ARMC5: variants seen among roughly 807,000 people sequenced by gnomAD.
ARMC5 encodes the protein armadillo repeat containing 5.
A neutral mutation model predicts 60.5 loss-of-function variants in ARMC5; 28 were observed. The ratio of observed to expected loss-of-function variants is 0.46; its 90% CI spans 0.34 to 0.63. ARMC5 has a LOEUF of 0.63. ARMC5 is among the 30% of genes least tolerant of loss of function. ARMC5 has a pLI of 0.01. For missense variants in ARMC5, 1,189 were observed against 1,304.9 expected, an observed-to-expected ratio of 0.91 and a Z score of 1.37; for synonymous variants, 680 against 607.3, an observed-to-expected ratio of 1.12 and a Z score of -1.76.
upstream of ARMC5, chr16:31,459,035 C>A: frequency 1.3e-6 from 2 of 1,523,082 alleles, no homozygotes; most frequent in Admixed American, 2.0e-5. Flanking sequence ...GCGGCGCGGT[C>A]AGGACCCCGC....
Position 31,464,883 on chromosome 16 carries a change from G to A in ARMC5, c.1860G>A (p.Glu620=). 6.2e-7 allele frequency: 1 copy of A among 1,604,222 alleles called. No individual in the cohort carries two copies. The highest frequency in any genetic ancestry group is 1.7e-5 in the Admixed American group (1 of 59,962). Residue 620 remains glutamate (E), a synonymous_variant, in exon 4 of 6, where the codon GAG becomes GAA. Transcript: ENST00000268314. The surrounding 1 kb of genome is among the most constrained non-coding windows in gnomAD (Gnocchi z 7.6). The part of the protein sequence containing the change: ...ARPTLHSRHR[E]LGERLLQNLT... ...CCACTCTCCACAGCCGGCACCGAGA[G>A]CTGGGTGAGTTCCCATACCCACCCG...
intron 4 of ARMC5, chr16:31,465,114 C>T: frequency 6.2e-7 from 1 of 1,614,034 alleles, no homozygotes; most frequent in Non-Finnish European, 8.5e-7. Context: ...GACCCAGATA[C>T]CCTAACTCTA....
At position 31,466,442 on chromosome 16, in the gene ARMC5, G is replaced by T; in HGVS notation, c.2361G>T (p.Met787Ile). 1 of 1,611,954 alleles carries T rather than the reference G, an allele frequency of 6.2e-7. No homozygotes were observed. The change falls in exon 6 of 6, where the codon ATG becomes ATT. Residue 787 changes from methionine (M) to isoleucine (I), a missense_variant. Around this residue, in one of 2 missense-constraint regions of ARMC5, gnomAD observed 862 missense variants for 1,071.2 expected, o/e 0.80. Transcript: ENST00000268314. This position sits in a 1 kb window ranked among gnomAD's most constrained non-coding sequence, Gnocchi z 8.0. The part of the protein sequence containing the change: ...LLSGSFAEAQ[M>I]DLVPLRGLSP... ...CAGGCAGCTTTGCAGAAGCCCAGAT[G>T]GACCTGGTGCCCCTGCGAGGTCTGT...
chr16:31,461,721 T>G, intron 1 of ARMC5, among the ~76,000 whole-genome samples: 1 of 152,202 alleles, frequency 6.6e-6, no homozygotes, highest in East Asian at 1.9e-4. Context: ...TTGGCCAGGC[T>G]GGTCTTGAAC....
In ARMC5 at chr16:31,459,810, G is replaced by GCCGCGTCGGGAGCTTCTAGCCCCGCCC. The variant is rs745352803; in HGVS notation, c.297_323dup (p.Ala100_Gly108dup). The GCCGCGTCGGGAGCTTCTAGCCCCGCCC allele has an allele frequency of 6.5e-7, 1 of 1,542,128 alleles. No homozygotes were observed. The highest frequency in any genetic ancestry group is 1.4e-5 in the African/African-American group (1 of 72,818). ...AGGCCCCGGCTCCGCCCCCTCGTCGGCCGCGTCGGGAGCTTCTAGCCCCGC... is the reference window on the plus strand; with the variant it reads ...AGGCCCCGGCTCCGCCCCCTCGTCGGCCGCGTCGGGAGCTTCTAGCCCCGCCCCCGCGTCGGGAGCTTCTAGCCCCGC... On this transcript the variant is annotated inframe_insertion, in exon 1 of 6. Coordinates refer to ENST00000268314, the MANE Select transcript of ARMC5 (RefSeq NM_001105247.2).
rs1443893232 is a variant in ARMC5 at position 31,467,142 on chromosome 16, G to A, written c.*253G>A. The A allele has an allele frequency of 9.6e-6, 4 of 416,870 alleles. No homozygotes were observed. Among genetic ancestry groups the A allele is most frequent in the Middle Eastern group, 6.1e-4 (1 of 1,650 alleles). The allele number at this position is 416,870 out of a possible 1,614,324, so 25.8% of individuals were successfully genotyped here. ...TGGCCTGGCCTAGACCTCTGGAATT[G>A]AGATTAAACAATTTGGAGTTGGATA... On this transcript the variant is annotated 3_prime_UTR_variant, in exon 6 of 6. Coordinates refer to ENST00000268314, the MANE Select transcript of ARMC5 (RefSeq NM_001105247.2).
At chr16:31,465,157 C>G (rs377587666) in intron 4 of ARMC5, 2 of 1,611,238 alleles carry the variant, frequency 1.2e-6, no homozygotes, top group Admixed American at 3.3e-5. Context: ...CTGGGCTGGT[C>G]TGTGCTTCTT....
At position 31,466,771 on chromosome 16, in the gene ARMC5, A is replaced by G; in HGVS notation, c.2690A>G (p.Lys897Arg). ...CTGGGGTCAGAGCAGTGCCCGAGGA[A>G]GCGGGGTCTGGCCCTGGTGGGGCTT... ...WTLGSEQCPR[K>R]RGLALVGLVE... is the part of the protein sequence containing the mutation. Residue 897 changes from lysine to arginine, a missense_variant, in exon 6 of 6, where the codon AAG becomes AGG. By Grantham distance (26) the Lys-to-Arg change is conservative. This residue lies in a region of ARMC5 where 862 missense variants were observed against 1,071.2 expected (regional missense o/e 0.80). Coordinates refer to ENST00000268314, the MANE Select transcript of ARMC5 (RefSeq NM_001105247.2). The surrounding 1 kb of genome is among the most constrained non-coding windows in gnomAD (Gnocchi z 8.0). 2 of 1,577,910 alleles carry G rather than the reference A, an allele frequency of 1.3e-6. No homozygotes were observed. The highest frequency in any genetic ancestry group is 8.6e-7 in the Non-Finnish European group (1 of 1,163,542).
In ARMC5 at chr16:31,459,883, C is replaced by A. The variant is rs759972257; in HGVS notation, c.359C>A (p.Thr120Lys). The change falls in exon 1 of 6, where the codon ACG becomes AAG. Residue 120 changes from threonine (T) to lysine (K), a missense_variant. Thr to Lys is a moderately conservative substitution (Grantham distance 78). Around this residue, in one of 2 missense-constraint regions of ARMC5, gnomAD observed 327 missense variants for 233.7 expected, o/e 1.40. Transcript: ENST00000268314. ...APSAVSSSSPTPPVRLRKTLD... is the reference protein window; with the variant it reads ...APSAVSSSSPKPPVRLRKTLD... Reference sequence around the variant, plus strand: ...TCCGCTGTGTCGTCGTCTAGTCCTACGCCGCCAGTGCGCCTGCGCAAGACG... The same window carrying A: ...TCCGCTGTGTCGTCGTCTAGTCCTAAGCCGCCAGTGCGCCTGCGCAAGACG... The A allele has an allele frequency of 1.2e-6, 2 of 1,605,288 alleles. No individual in the cohort carries two copies. Among genetic ancestry groups the A allele is most frequent in the Non-Finnish European group, 1.7e-6 (2 of 1,179,804 alleles).
At chr16:31,460,152 G>GACGTC in intron 1 of ARMC5, 153 bp downstream of exon 1, 1 of 787,704 alleles carries the variant, frequency 1.3e-6, no homozygotes, top group Non-Finnish European at 2.0e-6. Context: ...TGTGCCCCGT[G>GACGTC]ACGTCACTGC....
rs751157724 is a variant in ARMC5 at position 31,459,732 on chromosome 16, C to G, written c.208C>G (p.Leu70Val). The G allele has an allele frequency of 5.8e-6, 9 of 1,553,430 alleles. No individual in the cohort carries two copies. The South Asian group carries it at 9.4e-5, about 16-fold the overall frequency. ...CCGGGCACGCGGCGGGCTCCGCCCC[C>G]TACTCGCGCTGCTACGGCGAGCGGC... ...RFRARGGLRP[L>V]LALLRRAAAA... The change falls in exon 1 of 6, where the codon CTA becomes GTA. Residue 70 changes from leucine (L) to valine (V), a missense_variant. Leu to Val is a conservative substitution (Grantham distance 32, BLOSUM62 1). Around this residue, in one of 2 missense-constraint regions of ARMC5, gnomAD observed 327 missense variants for 233.7 expected, o/e 1.40. Transcript: ENST00000268314.
Position 31,466,577 on chromosome 16 carries a change from C to G in ARMC5, c.2496C>G (p.Ala832=). 1 of 1,608,896 alleles carries G rather than the reference C, an allele frequency of 6.2e-7. No homozygotes were observed. Among genetic ancestry groups the G allele is most frequent in the East Asian group, 2.2e-5 (1 of 44,830 alleles). ...PPGQPLLGSE[A]EEALEAAGRF... ...GCCAGCCCCTGCTGGGTTCAGAGGC[C>G]GAGGAGGCACTGGAGGCTGCTGGCC... is the stretch of plus-strand genomic sequence containing the variant. Residue 832 remains alanine, a synonymous_variant, in exon 6 of 6, where the codon GCC becomes GCG. Coordinates refer to ENST00000268314, the MANE Select transcript of ARMC5 (RefSeq NM_001105247.2). The surrounding 1 kb of genome is among the most constrained non-coding windows in gnomAD (Gnocchi z 8.0).
rs968362568 is a variant in ARMC5 at position 31,462,056 on chromosome 16, C to T, written c.583+27C>T. 6.2e-7 allele frequency: 1 copy of T among 1,613,700 alleles called. No individual in the cohort carries two copies. The highest frequency in any genetic ancestry group is 8.5e-7 in the Non-Finnish European group (1 of 1,179,608). ...TAAGAGGCTGTGAGGTTGGGGTCTG[C>T]TAGGGCTTGGGGCAGAAGAAAGGCT... is the stretch of plus-strand genomic sequence containing the variant. On this transcript the variant is annotated intron_variant, in intron 2 of 5. Transcript: ENST00000268314. This position sits in a 1 kb window ranked among gnomAD's most constrained non-coding sequence, Gnocchi z 7.2.
intron 3 of ARMC5, among the ~76,000 whole-genome samples, chr16:31,463,871 C>T (rs1311933618): frequency 6.6e-6 from 1 of 152,196 alleles, no homozygotes; most frequent in East Asian, 1.9e-4. Flanking sequence ...TACCCAGCAC[C>T]TAAAGAACGG....
chr16:31,461,867 T>A (rs1372182093), intron 1 of ARMC5, 55 bp from the exon 2 acceptor site: 6 of 1,507,580 alleles, frequency 4.0e-6, no homozygotes, highest in African/African-American at 1.4e-5. Context: ...TCCAGGTTAT[T>A]GATGTGAGAG....
chr16:31,466,914 G>A lies in ARMC5; in HGVS notation c.*25G>A, dbSNP rs747158491. ...GACTGTTGACGTCCCCTGGGAAGGGGACCCAAGGATGAATTGGCTGTGAAG... is the reference window on the plus strand; with the variant it reads ...GACTGTTGACGTCCCCTGGGAAGGGAACCCAAGGATGAATTGGCTGTGAAG... On this transcript the variant is annotated 3_prime_UTR_variant, in exon 6 of 6. Coordinates refer to ENST00000268314, the MANE Select transcript of ARMC5 (RefSeq NM_001105247.2). This position sits in a 1 kb window ranked among gnomAD's most constrained non-coding sequence, Gnocchi z 8.0. 2 of 1,494,336 alleles carry A rather than the reference G, an allele frequency of 1.3e-6. No homozygotes were observed. Among genetic ancestry groups the A allele is most frequent in the East Asian group, 4.7e-5 (2 of 42,606 alleles). 92.6% of individuals were successfully genotyped at this position (1,494,336 alleles called of 1,614,324 possible).
upstream of ARMC5, chr16:31,459,108 G>A (rs1026960607): frequency 1.2e-5 from 18 of 1,480,064 alleles, no homozygotes; most frequent in Non-Finnish European, 1.6e-5. Context: ...CACCGCTGGG[G>A]GGCAGCGAAG....
At chr16:31,463,275 T>C (rs1479346416) in intron 3 of ARMC5, among the ~76,000 whole-genome samples, 1 of 152,112 alleles carries the variant, frequency 6.6e-6, no homozygotes, top group Non-Finnish European at 1.5e-5. Context: ...ATTTTTGTAT[T>C]TTTAATAGAG....
chr16:31,463,490 ATGG>A (rs2082322864), intron 3 of ARMC5, among the ~76,000 whole-genome samples: 1 of 152,178 alleles, frequency 6.6e-6, no homozygotes, highest in African/African-American at 2.4e-5. Flanking sequence ...GCTGGTTAAG[ATGG>A]TGGGCTCTGG....
Sources: allele counts gnomAD v4.1 joint callset (sites outside exome capture counted in the v4.1 genomes callset), GRCh38; gene constraint gnomAD v4.1.1; regional missense constraint gnomAD v4.1.1; non-coding constraint Gnocchi (gnomAD v3.1); transcripts MANE v1.5; gene names NCBI Gene and HGNC (gene_info 2026-07-23, HGNC 2026-07-21).